Variants in BBX observed in about 807,000 individuals in gnomAD.
The protein encoded by BBX is HMG box transcription factor BBX.
BBX carries 30 observed loss-of-function variants against 100.2 expected under a neutral mutation model. That is an observed-to-expected ratio of 0.30 (90% CI 0.22 to 0.41). The LOEUF (loss-of-function observed/expected upper bound fraction) is 0.41, where lower values mean the gene tolerates loss of function less well. Among genes scored for constraint, BBX ranks in the 10% least tolerant of loss-of-function variants. The probability of loss-of-function intolerance (pLI) is 1.00; values close to 1 mark genes in which losing one functional copy is unlikely to be tolerated. For synonymous variants in BBX, 376 were observed against 388.1 expected, an observed-to-expected ratio of 0.97 and a Z score of 0.37; for missense variants, 1,023 against 1,129.8, an observed-to-expected ratio of 0.91 and a Z score of 1.35.
intron 3 of BBX, among the ~76,000 whole-genome samples, chr3:107,698,277 C>T (rs1452672263): frequency 6.6e-6 from 1 of 151,540 alleles, no homozygotes; most frequent in African/African-American, 2.4e-5. Context: ...AGAAAAATTA[C>T]CTTTTAAACT....
intron 9 of BBX, among the ~76,000 whole-genome samples, chr3:107,749,877 G>A (rs1373501536): frequency 1.2e-4 from 18 of 151,940 alleles, no homozygotes; most frequent in Non-Finnish European, 2.2e-4. Context: ...CAGGTGATCC[G>A]CCCGCCTCGG....
intron 3 of BBX, among the ~76,000 whole-genome samples, chr3:107,693,216 G>A (rs1406447124): frequency 6.6e-6 from 1 of 151,488 alleles, no homozygotes; most frequent in Non-Finnish European, 1.5e-5. Context: ...GATCCCATTT[G>A]ACAATTTTGG....
At chr3:107,583,940 ATATATATTAT>A (rs2052479338) in intron 2 of BBX, among the ~76,000 whole-genome samples, 1 of 78,230 alleles carries the variant, frequency 1.3e-5, no homozygotes, top group Admixed American at 2.1e-4. Context: ...TATATATATT[ATATATATTAT>A]TATATTATAT....
intron 15 of BBX, among the ~76,000 whole-genome samples, 192 bp from the exon 16 acceptor site, chr3:107,798,331 A>G (rs1286855243): frequency 6.6e-6 from 1 of 152,250 alleles, no homozygotes; most frequent in African/African-American, 2.4e-5. Flanking sequence ...TTAATTTATC[A>G]AAGCAAATAT....
In BBX at chr3:107,650,174, G is replaced by T. The variant is rs564529646; in HGVS notation, c.-10+4265G>T. On this transcript the variant is annotated intron_variant, in intron 3 of 17. Transcript: ENST00000325805. ...CCCCGACTTCCTGGGCCTCGGACTG[G>T]TACTGGTCCATGGCCTGTTAGGAAC... Among the ~76,000 whole-genome samples, 3 of 152,212 alleles carry T rather than the reference G, an allele frequency of 2.0e-5. No individual in the cohort carries two copies. In the East Asian group the frequency reaches 5.8e-4, roughly 29 times the overall value.
intron 10 of BBX, among the ~76,000 whole-genome samples, chr3:107,763,799 G>T (rs1306153881): frequency 1.3e-5 from 2 of 152,002 alleles, no homozygotes. Flanking sequence ...ATTTCTTCCT[G>T]CACATCACTG....
chr3:107,617,136 G>A (rs981969240), intron 2 of BBX, among the ~76,000 whole-genome samples: 1 of 152,116 alleles, frequency 6.6e-6, no homozygotes. Flanking sequence ...CACAGTTTGT[G>A]TGAAAAGGCT....
intron 3 of BBX, among the ~76,000 whole-genome samples, chr3:107,657,765 T>C (rs2058232161): frequency 6.6e-6 from 1 of 151,994 alleles, no homozygotes. Flanking sequence ...AGTTATAAAT[T>C]TGAGATGAGG....
chr3:107,584,120 A>T (rs839985), intron 2 of BBX, among the ~76,000 whole-genome samples: 1 of 18,612 alleles, frequency 5.4e-5, no homozygotes, highest in East Asian at 4.5e-4. Context: ...ATTATATATA[A>T]TATATATATT....
Position 107,716,808 on chromosome 3 carries a change from G to A in BBX, c.364G>A (p.Asp122Asn), listed in dbSNP as rs1201744305. Reference protein sequence around the residue: ...KILADWWAVLDPKEKQKYTDM... With the variant: ...KILADWWAVLNPKEKQKYTDM... ...ACTAGCTGATTGGTGGGCTGTTCTT[G>A]ATCCAAAGGAAAAGCAGAAATACAC... Residue 122 changes from aspartate (D) to asparagine (N), a missense_variant, in exon 5 of 18, where the codon GAT (aspartate) becomes AAT (asparagine). Physicochemically the swap from Asp to Asn is conservative, Grantham distance 23. This residue lies in a region of BBX where 229 missense variants were observed against 226.3 expected (regional missense o/e 1.01). Transcript: ENST00000325805. 6.2e-7 allele frequency: 1 copy of A among 1,613,524 alleles called. No individual in the cohort carries two copies. The highest frequency in any genetic ancestry group is 2.2e-5 in the East Asian group (1 of 44,884).
chr3:107,743,806 A>G (rs2064314667), intron 7 of BBX, among the ~76,000 whole-genome samples: 1 of 152,090 alleles, frequency 6.6e-6, no homozygotes, highest in Non-Finnish European at 1.5e-5. Context: ...ACTGTGGTAG[A>G]ATATTCTATT....
intron 2 of BBX, among the ~76,000 whole-genome samples, chr3:107,586,345 A>G (rs2052835971): frequency 6.6e-6 from 1 of 152,204 alleles, no homozygotes. Context: ...CTACAACTAT[A>G]TATTCATTTC....
chr3:107,609,886 T>A (rs2054715757), intron 2 of BBX, among the ~76,000 whole-genome samples: 1 of 152,080 alleles, frequency 6.6e-6, no homozygotes, highest in Non-Finnish European at 1.5e-5. Context: ...TCTACTCTGA[T>A]CTTTATTTCT....
At chr3:107,543,824 T>G (rs1379399146) in intron 2 of BBX, among the ~76,000 whole-genome samples, 1 of 152,160 alleles carries the variant, frequency 6.6e-6, no homozygotes, top group Non-Finnish European at 1.5e-5. Flanking sequence ...CTCATAGCTG[T>G]TGATGAGGAG....
intron 3 of BBX, chr3:107,661,869 T>C: frequency 1.0e-6 from 1 of 985,412 alleles, no homozygotes; most frequent in Non-Finnish European, 1.2e-6. Context: ...GTACCTGGTA[T>C]CATCTCCAGC....
intron 13 of BBX, among the ~76,000 whole-genome samples, chr3:107,781,612 G>A (rs1336616513): frequency 1.3e-5 from 2 of 152,030 alleles, no homozygotes; most frequent in African/African-American, 4.8e-5. Flanking sequence ...TACTGATAAT[G>A]TATGAAGCAT....
intron 2 of BBX, among the ~76,000 whole-genome samples, chr3:107,614,085 G>A (rs2051606538): frequency 6.6e-6 from 1 of 151,076 alleles, no homozygotes; most frequent in African/African-American, 2.4e-5. Flanking sequence ...CTGACTAGCT[G>A]GGACTACAGG....
intron 3 of BBX, among the ~76,000 whole-genome samples, chr3:107,658,193 G>A (rs329920): frequency 0.74 from 112,582 of 151,948 alleles, 42,630 homozygotes; most frequent in East Asian, 0.97. Context: ...CACTGTCTTC[G>A]TTGAGTAATC....
chr3:107,602,857 A>G (rs1377045644), intron 2 of BBX, among the ~76,000 whole-genome samples: 2 of 152,278 alleles, frequency 1.3e-5, no homozygotes, highest in Non-Finnish European at 2.9e-5. Flanking sequence ...TGCTGTGAAC[A>G]TTGTTGAAAT....
Sources: allele counts gnomAD v4.1 joint callset (sites outside exome capture counted in the v4.1 genomes callset), GRCh38; gene constraint gnomAD v4.1.1; regional missense constraint gnomAD v4.1.1; transcripts MANE v1.5; gene names NCBI Gene and HGNC (gene_info 2026-07-23, HGNC 2026-07-21).